The following NRXN1 variants were observed in gnomAD, a reference collection of about 807,000 sequenced individuals.
NRXN1 encodes the protein neurexin-1.
A neutral mutation model predicts 150.9 loss-of-function variants in NRXN1; 39 were observed. The observed-to-expected ratio is 0.26, with a 90% CI of 0.20 to 0.34. The LOEUF is 0.34. Ranked by LOEUF, NRXN1 falls within the 10% of genes least tolerant of loss-of-function variation. The probability of loss-of-function intolerance (pLI) is 1.00; values close to 1 mark genes in which losing one functional copy is unlikely to be tolerated. For synonymous variants in NRXN1, 924 were observed against 757.0 expected (o/e 1.22, Z -3.62); for missense variants, 1,815 against 1,949.9 (o/e 0.93, Z 1.30).
At chr2:50,305,469 C>T (rs1347896567) in intron 17 of NRXN1, among the ~76,000 whole-genome samples, 1 of 152,050 alleles carries the variant, frequency 6.6e-6, no homozygotes, top group East Asian at 1.9e-4. Flanking sequence ...TTTAAAAATT[C>T]AGTAAACACA....
intron 17 of NRXN1, among the ~76,000 whole-genome samples, chr2:50,317,838 G>T (rs528710297): frequency 6.6e-6 from 1 of 152,058 alleles, no homozygotes; most frequent in Non-Finnish European, 1.5e-5. Flanking sequence ...ACATTCAAAG[G>T]TCCTTTTATT....
At chr2:50,661,462 A>C (rs1687287931) in intron 5 of NRXN1, among the ~76,000 whole-genome samples, 1 of 152,024 alleles carries the variant, frequency 6.6e-6, no homozygotes, top group African/African-American at 2.4e-5. Flanking sequence ...AGCAAACATA[A>C]ATAGTGATTT....
chr2:50,547,222 A>G (rs1019305422), intron 9 of NRXN1, among the ~76,000 whole-genome samples: 17 of 152,270 alleles, frequency 1.1e-4, no homozygotes, highest in Non-Finnish European at 1.8e-4. Context: ...AATCAGCTGT[A>G]CCCTGCTGTA....
chr2:50,217,296 A>C (rs1193099241), intron 18 of NRXN1, among the ~76,000 whole-genome samples: 1 of 152,100 alleles, frequency 6.6e-6, no homozygotes, highest in Non-Finnish European at 1.5e-5. Flanking sequence ...ATTCTCAATC[A>C]CATCTTTAAA....
At chr2:50,536,365 A>G (rs373928496) in intron 10 of NRXN1, among the ~76,000 whole-genome samples, 3 of 152,226 alleles carry the variant, frequency 2.0e-5, no homozygotes, top group African/African-American at 7.2e-5. Flanking sequence ...CTGAATCCCA[A>G]TGATGAAGTT....
chr2:50,534,943 T>A (rs902439430), intron 10 of NRXN1, among the ~76,000 whole-genome samples: 1 of 152,166 alleles, frequency 6.6e-6, no homozygotes, highest in Non-Finnish European at 1.5e-5. Context: ...TCATTAGCCT[T>A]TAACATTCTC....
chr2:50,536,484 T>C (rs1457694233), intron 10 of NRXN1, among the ~76,000 whole-genome samples: 1 of 152,220 alleles, frequency 6.6e-6, no homozygotes, highest in Non-Finnish European at 1.5e-5. Flanking sequence ...AGATCTACAA[T>C]TTCTATTTTC....
chr2:50,756,784 T>G (rs1007069082), intron 5 of NRXN1, among the ~76,000 whole-genome samples: 2 of 151,816 alleles, frequency 1.3e-5, no homozygotes, highest in African/African-American at 2.4e-5. Flanking sequence ...CATAAAAGAT[T>G]AAGTTATAAA....
chr2:50,514,847 G>C (rs1429676159), intron 12 of NRXN1, among the ~76,000 whole-genome samples: 1 of 152,154 alleles, frequency 6.6e-6, no homozygotes, highest in Admixed American at 6.5e-5. Flanking sequence ...TAAGTGCGAG[G>C]AAACCTGAGT....
rs1693139780 is a variant in NRXN1 at position 50,053,678 on chromosome 2, G to T, written c.3809-88C>A. ...TGATAAAACAGATCTTTTATGGGGT[G>T]AATAATGAGAGCAATAAACTATAAG... On this transcript the variant is annotated intron_variant, in intron 20 of 22. Transcript: ENST00000401669. 11 of 1,304,748 alleles carry T rather than the reference G, an allele frequency of 8.4e-6. No homozygotes were observed. The South Asian group carries it at 1.1e-4, about 13-fold the overall frequency. 80.8% of individuals were successfully genotyped at this position (1,304,748 alleles called of 1,614,324 possible).
At chr2:50,695,306 C>T (rs889841) in intron 5 of NRXN1, among the ~76,000 whole-genome samples, 126,955 of 152,162 alleles carry the variant, frequency 0.83, 53,580 homozygotes, top group African/African-American at 0.95. Flanking sequence ...ATCAGACTCA[C>T]ATGAATTAAA....
intron 22 of NRXN1, among the ~76,000 whole-genome samples, chr2:49,925,166 G>GTTACT (rs1050128030): frequency 2.0e-4 from 30 of 151,696 alleles, no homozygotes; most frequent in Non-Finnish European, 3.5e-4. Context: ...TGTAGTCCCA[G>GTTACT]TTACTTGGGG....
intron 5 of NRXN1, among the ~76,000 whole-genome samples, chr2:50,746,451 T>C (rs1192029503): frequency 2.0e-5 from 3 of 151,800 alleles, no homozygotes; most frequent in African/African-American, 4.8e-5. Context: ...CCCAGCTACA[T>C]GGAAGCTGAG....
intron 5 of NRXN1, among the ~76,000 whole-genome samples, chr2:50,737,657 A>T (rs1698930619): frequency 6.6e-6 from 1 of 152,124 alleles, no homozygotes; most frequent in Non-Finnish European, 1.5e-5. Context: ...TCATTTAATA[A>T]TTTTGGATGA....
chr2:50,881,420 A>C (rs1679410842), intron 5 of NRXN1, among the ~76,000 whole-genome samples: 1 of 151,928 alleles, frequency 6.6e-6, no homozygotes, highest in Non-Finnish European at 1.5e-5. Context: ...TTCGGCTATA[A>C]ATTTTCTGTG....
At chr2:50,903,081 T>G (rs1167677291) in intron 5 of NRXN1, among the ~76,000 whole-genome samples, 1 of 152,110 alleles carries the variant, frequency 6.6e-6, no homozygotes, top group Non-Finnish European at 1.5e-5. Flanking sequence ...GGGCATGTAT[T>G]CCCAACCAGC....
At chr2:50,628,903 C>T (rs568229968) in intron 5 of NRXN1, among the ~76,000 whole-genome samples, 5 of 151,588 alleles carry the variant, frequency 3.3e-5, no homozygotes, top group East Asian at 1.9e-4. Flanking sequence ...GTATAAAAGG[C>T]TATCTTCAAA....
At chr2:50,349,340 T>C (rs1200599795) in intron 17 of NRXN1, among the ~76,000 whole-genome samples, 1 of 152,220 alleles carries the variant, frequency 6.6e-6, no homozygotes, top group African/African-American at 2.4e-5. Context: ...CCCCCAGTCA[T>C]TTCTTACTCA....
intron 18 of NRXN1, among the ~76,000 whole-genome samples, chr2:50,158,686 G>C (rs1011528681): frequency 6.6e-6 from 1 of 152,062 alleles, no homozygotes; most frequent in Non-Finnish European, 1.5e-5. Context: ...GCTGTATCTT[G>C]TTGCATGATA....
Sources: allele counts gnomAD v4.1 joint callset (sites outside exome capture counted in the v4.1 genomes callset), GRCh38; gene constraint gnomAD v4.1.1; transcripts MANE v1.5; gene names NCBI Gene and HGNC (gene_info 2026-07-23, HGNC 2026-07-21).